Variants in CDK17 observed in about 807,000 individuals in gnomAD.
CDK17 encodes cyclin-dependent kinase 17.
CDK17 carries 24 observed loss-of-function variants against 77.6 expected under a neutral mutation model. The observed-to-expected ratio is 0.31, with a 90% CI of 0.22 to 0.44. The LOEUF (loss-of-function observed/expected upper bound fraction) is 0.44, where lower values mean the gene tolerates loss of function less well. Among genes scored for constraint, CDK17 ranks in the 20% least tolerant of loss-of-function variants. The probability of loss-of-function intolerance (pLI) is 1.00; values close to 1 mark genes in which losing one functional copy is unlikely to be tolerated. For missense variants in CDK17, 429 were observed against 622.5 expected (o/e 0.69, Z 3.31); for synonymous variants, 203 against 210.4 (o/e 0.96, Z 0.30).
chr12:96,359,408 G>A (rs1289328027), intron 1 of CDK17, among the ~76,000 whole-genome samples: 1 of 152,176 alleles, frequency 6.6e-6, no homozygotes, highest in African/African-American at 2.4e-5. Flanking sequence ...ACTGACTGGA[G>A]GCTCTGCTCC....
intron 11 of CDK17, 85 bp downstream of exon 11, chr12:96,289,079 TTAA>T: frequency 7.2e-7 from 1 of 1,394,402 alleles, no homozygotes; most frequent in East Asian, 2.3e-5. Flanking sequence ...TAATATCTCC[TTAA>T]AAGTATATAC....
intron 2 of CDK17, among the ~76,000 whole-genome samples, chr12:96,326,975 A>G (rs961131922): frequency 1.3e-5 from 2 of 152,218 alleles, no homozygotes; most frequent in Non-Finnish European, 2.9e-5. Context: ...CAAAAATATC[A>G]CTGTGAAGGG....
intron 1 of CDK17, among the ~76,000 whole-genome samples, chr12:96,378,454 G>GT (rs754893191): frequency 2.4e-4 from 36 of 152,138 alleles, no homozygotes; most frequent in Non-Finnish European, 4.1e-4. Flanking sequence ...TGATCTTACA[G>GT]TTTTATTAGC....
chr12:96,358,740 G>A (rs1382621882), intron 1 of CDK17, among the ~76,000 whole-genome samples: 1 of 152,106 alleles, frequency 6.6e-6, no homozygotes, highest in Non-Finnish European at 1.5e-5. Context: ...CAGGAGAATT[G>A]CTTGAGCCCA....
chr12:96,358,431 T>C (rs1953439354), intron 1 of CDK17, among the ~76,000 whole-genome samples: 1 of 128,380 alleles, frequency 7.8e-6, no homozygotes, highest in South Asian at 2.4e-4. Context: ...AATAGCATAA[T>C]TAAAAAGTAA....
At chr12:96,378,467 C>T (rs893613372) in intron 1 of CDK17, among the ~76,000 whole-genome samples, 3 of 152,152 alleles carry the variant, frequency 2.0e-5, no homozygotes, top group African/African-American at 4.8e-5. Flanking sequence ...TTATTAGCTG[C>T]CCCAGTCCTA....
intron 15 of CDK17, 169 bp downstream of exon 15, chr12:96,282,340 A>G: frequency 1.8e-6 from 1 of 560,916 alleles, no homozygotes; most frequent in African/African-American, 1.9e-5. Flanking sequence ...GAAATAACTG[A>G]ATCATAGGGA....
chr12:96,370,025 G>C (rs1209133537), intron 1 of CDK17, among the ~76,000 whole-genome samples: 2 of 152,154 alleles, frequency 1.3e-5, no homozygotes, highest in Admixed American at 1.3e-4. Context: ...GAAGCCGCGA[G>C]TGTAAGAGCT....
intron 7 of CDK17, among the ~76,000 whole-genome samples, chr12:96,298,546 A>C (rs112350499): frequency 9.8e-5 from 15 of 152,290 alleles, no homozygotes; most frequent in African/African-American, 3.4e-4. Context: ...TATGATATAA[A>C]TATGTTTACA....
intron 4 of CDK17, among the ~76,000 whole-genome samples, chr12:96,312,389 C>A (rs932996105): frequency 2.0e-5 from 3 of 151,972 alleles, no homozygotes; most frequent in Non-Finnish European, 4.4e-5. Flanking sequence ...CAGATACAGA[C>A]CCTAATACTA....
chr12:96,305,495 T>C (rs901607808), intron 5 of CDK17, among the ~76,000 whole-genome samples: 1 of 143,898 alleles, frequency 6.9e-6, no homozygotes, highest in Non-Finnish European at 1.6e-5. Flanking sequence ...TAAAATTATG[T>C]TTATGTAAAT....
chr12:96,289,261 T>G lies in CDK17; in HGVS notation c.1024A>C (p.Thr342Pro). Residue 342 changes from threonine to proline, a missense_variant, in exon 11 of 17, where the codon ACA (threonine) becomes CCA (proline). By Grantham distance (38) the Thr-to-Pro change is conservative (BLOSUM62 -1). Coordinates refer to ENST00000261211, the MANE Select transcript of CDK17 (RefSeq NM_002595.5). ...FGLARAKSVP[T>P]KTYSNEVVTL... is the part of the protein sequence containing the mutation. ...ACAACTTCATTTGAGTAGGTCTTTG[T>G]GGGAACTGACTTGGCTCGGGCTAGT... 1 of 1,613,912 alleles carries G rather than the reference T, an allele frequency of 6.2e-7. No homozygotes were observed. Among genetic ancestry groups the G allele is most frequent in the Non-Finnish European group, 8.5e-7 (1 of 1,179,824 alleles).
At chr12:96,335,937 T>C (rs888726216) in intron 1 of CDK17, among the ~76,000 whole-genome samples, 8 of 152,192 alleles carry the variant, frequency 5.3e-5, no homozygotes, top group South Asian at 2.1e-4. Flanking sequence ...CTCCTCTATA[T>C]TAAAGTACAG....
At chr12:96,383,119 A>G (rs1158710289) in intron 1 of CDK17, among the ~76,000 whole-genome samples, 1 of 152,204 alleles carries the variant, frequency 6.6e-6, no homozygotes, top group Admixed American at 6.5e-5. Context: ...ATATTACAAC[A>G]TTCTAGCTGA....
chr12:96,377,940 A>G (rs1004884800), intron 1 of CDK17, among the ~76,000 whole-genome samples: 38 of 152,160 alleles, frequency 2.5e-4, no homozygotes, highest in Non-Finnish European at 3.2e-4. Flanking sequence ...TGATCCGCCC[A>G]CCTTGGCCTC....
rs370032727 is a variant in CDK17, at chr12:96,354,043, G to A, written c.-29-19178C>T. Among the ~76,000 whole-genome samples, 17 of 152,154 alleles carry A rather than the reference G, an allele frequency of 1.1e-4. No homozygotes were observed. The East Asian group carries it at 1.9e-3, about 17-fold the overall frequency. On this transcript the variant is annotated intron_variant, in intron 1 of 16. Coordinates refer to ENST00000261211, the MANE Select transcript of CDK17 (RefSeq NM_002595.5). ...ATACTTAAAGTTAACAAGTAGACAA[G>A]GGCAAAGTGTAATCAACCCAGTTCC...
intron 1 of CDK17, among the ~76,000 whole-genome samples, chr12:96,338,642 C>T (rs953082416): frequency 6.6e-6 from 1 of 152,160 alleles, no homozygotes; most frequent in African/African-American, 2.4e-5. Flanking sequence ...CCGCTCACCT[C>T]GGCCTCTCAA....
chr12:96,356,741 T>C (rs1953400094), intron 1 of CDK17, among the ~76,000 whole-genome samples: 1 of 152,246 alleles, frequency 6.6e-6, no homozygotes, highest in Admixed American at 6.5e-5. Flanking sequence ...ATTAAGGTTG[T>C]TTCTCAACAC....
chr12:96,352,588 C>T (rs1436792684), intron 1 of CDK17, among the ~76,000 whole-genome samples: 1 of 152,174 alleles, frequency 6.6e-6, no homozygotes, highest in Admixed American at 6.5e-5. Context: ...GCCTTCACAA[C>T]ATCTGATACC....
Sources: allele counts gnomAD v4.1 joint callset (sites outside exome capture counted in the v4.1 genomes callset), GRCh38; gene constraint gnomAD v4.1.1; transcripts MANE v1.5; gene names NCBI Gene and HGNC (gene_info 2026-07-23, HGNC 2026-07-21).